The following SLC2A12 variants were observed in gnomAD, a reference collection of about 807,000 sequenced individuals.
SLC2A12 encodes the protein solute carrier family 2 member 12.
In SLC2A12, 23 loss-of-function variants were observed where a neutral mutation model predicts 41.8. That is an observed-to-expected ratio of 0.55 (90% CI 0.40 to 0.78). SLC2A12 has a LOEUF of 0.78. Ranked by LOEUF, SLC2A12 falls within the 30% of genes least tolerant of loss-of-function variation. The pLI, the probability that SLC2A12 is intolerant of heterozygous loss-of-function variation, is 0.00. For missense variants in SLC2A12, 654 were observed against 745.6 expected (o/e 0.88, Z 1.43); for synonymous variants, 295 against 285.9 (o/e 1.03, Z -0.32).
chr6:134,049,303 T>C (rs1257279097), intron 1 of SLC2A12, among the ~76,000 whole-genome samples: 6 of 152,146 alleles, frequency 3.9e-5, no homozygotes, highest in African/African-American at 1.2e-4. Flanking sequence ...ATACAGTAAA[T>C]ATTGTTCTTG....
chr6:134,000,809 A>G (rs192974192), intron 4 of SLC2A12, among the ~76,000 whole-genome samples: 4 of 152,362 alleles, frequency 2.6e-5, no homozygotes, highest in Admixed American at 6.5e-5. Context: ...TTTTTAAACC[A>G]GTTTTCTAAA....
At position 133,990,749 on chromosome 6, in the gene SLC2A12, T is replaced by C; in HGVS notation, c.*406A>G. 1 of 154,924 alleles carries C rather than the reference T, an allele frequency of 6.5e-6. No homozygotes were observed. Among genetic ancestry groups the C allele is most frequent in the East Asian group, 1.9e-4 (1 of 5,248 alleles). The allele number at this position is 154,924 out of a possible 1,614,324, so 9.6% of individuals were successfully genotyped here. A position where few individuals can be genotyped will look rare whatever the true frequency, so the allele number is the denominator to read the frequency against. ...GTAGTGTCTTGGTAGGCAGAAACTG[T>C]ACCCTCATGTCCAGACCACTTGTGT... On this transcript the variant is annotated 3_prime_UTR_variant, in exon 5 of 5. Transcript: ENST00000275230.
At chr6:134,018,383 T>C (rs1196793295) in intron 2 of SLC2A12, among the ~76,000 whole-genome samples, 2 of 152,168 alleles carry the variant, frequency 1.3e-5, no homozygotes, top group African/African-American at 4.8e-5. Context: ...TCAATGGACT[T>C]GCCCTAAGTC....
chr6:133,993,701 G>A (rs1776651058), intron 4 of SLC2A12, among the ~76,000 whole-genome samples: 1 of 152,168 alleles, frequency 6.6e-6, no homozygotes, highest in Non-Finnish European at 1.5e-5. Context: ...CTACACAATT[G>A]GGATTTGAAA....
In SLC2A12 at chr6:133,990,219, G is replaced by A. The variant is rs1187641842; in HGVS notation, c.*936C>T. 1 of 152,600 alleles carries A rather than the reference G, an allele frequency of 6.6e-6. No homozygotes were observed. The highest frequency in any genetic ancestry group is 1.5e-5 in the Non-Finnish European group (1 of 68,040). The allele number at this position is 152,600 out of a possible 1,614,324, so 9.5% of individuals were successfully genotyped here. ...TATAGCCTGTGTACCGTAACCTGAG[G>A]TAGTGATATTCCTGAGGAGTGTGAA... is the stretch of plus-strand genomic sequence containing the variant. On this transcript the variant is annotated 3_prime_UTR_variant, in exon 5 of 5. Transcript: ENST00000275230.
chr6:134,003,925 C>T lies in SLC2A12; in HGVS notation c.1568-1796G>A, dbSNP rs935652045. Among the ~76,000 whole-genome samples, 9 of 152,300 alleles carry T rather than the reference C, an allele frequency of 5.9e-5. No homozygotes were observed. The East Asian group carries it at 1.3e-3, about 23-fold the overall frequency. ...CTTACTGCCAAGTAGAACCTCACGT[C>T]TTTTAGATCCCTGTGTCCTACACTT... On this transcript the variant is annotated intron_variant, in intron 3 of 4. Coordinates refer to ENST00000275230, the MANE Select transcript of SLC2A12 (RefSeq NM_145176.3).
At chr6:134,049,155 C>T (rs967727933) in intron 1 of SLC2A12, among the ~76,000 whole-genome samples, 23 of 152,126 alleles carry the variant, frequency 1.5e-4, no homozygotes, top group Non-Finnish European at 3.4e-4. Context: ...TGAGCAGAAG[C>T]GTGTATTTCT....
chr6:134,041,948 T>C (rs1777387922), intron 1 of SLC2A12, among the ~76,000 whole-genome samples: 1 of 152,106 alleles, frequency 6.6e-6, no homozygotes, highest in Admixed American at 6.5e-5. Context: ...CCATGGACAT[T>C]TGAAAACCGA....
At position 133,989,083 on chromosome 6, in the gene SLC2A12, G is replaced by A. The variant is rs1021859127; in HGVS notation, c.*2072C>T. 18 of 152,156 alleles carry A rather than the reference G, an allele frequency of 1.2e-4. No homozygotes were observed. Among genetic ancestry groups the A allele is most frequent in the African/African-American group, 3.4e-4 (14 of 41,432 alleles). 9.4% of individuals were successfully genotyped at this position (152,156 alleles called of 1,614,324 possible). A position where few individuals can be genotyped will look rare whatever the true frequency, so the allele number is the denominator to read the frequency against. On this transcript the variant is annotated 3_prime_UTR_variant, in exon 5 of 5. Coordinates refer to ENST00000275230, the MANE Select transcript of SLC2A12 (RefSeq NM_145176.3). ...GACCAGGTTTGTTTTCAGGGCTGCCGAATGAGCCTCACCTAACAGTGTCCA... is the reference window on the plus strand; with the variant it reads ...GACCAGGTTTGTTTTCAGGGCTGCCAAATGAGCCTCACCTAACAGTGTCCA...
chr6:133,996,412 A>T (rs552055671), intron 4 of SLC2A12, among the ~76,000 whole-genome samples: 226 of 152,350 alleles, frequency 1.5e-3, no homozygotes, highest in African/African-American at 5.1e-3. Context: ...TTCAAATTAC[A>T]TTATTGCAGA....
At chr6:134,011,991 G>A (rs1411967693) in intron 2 of SLC2A12, among the ~76,000 whole-genome samples, 4 of 151,820 alleles carry the variant, frequency 2.6e-5, no homozygotes, top group East Asian at 1.9e-4. Flanking sequence ...GCAGTGAGCC[G>A]AGATCACACC....
chr6:134,017,098 T>G (rs1291421072), intron 2 of SLC2A12, among the ~76,000 whole-genome samples: 1 of 152,184 alleles, frequency 6.6e-6, no homozygotes, highest in Non-Finnish European at 1.5e-5. Context: ...GGGTCTCATA[T>G]TTGGAGAAAA....
rs60814233 is a variant in SLC2A12, at chr6:133,998,355, A to G, written c.1700+3642T>C. Among the ~76,000 whole-genome samples, 1,512 of 152,344 alleles carry G rather than the reference A, an allele frequency of 9.9e-3. 48 individuals carry two copies. The East Asian group carries it at 0.12, about 12-fold the overall frequency. On this transcript the variant is annotated intron_variant, in intron 4 of 4. Coordinates refer to ENST00000275230, the MANE Select transcript of SLC2A12 (RefSeq NM_145176.3). ...AATCTGGCAACCCTATATGAAAAAA[A>G]GGATTTGAAAGTTCTTAATCTTATA...
intron 2 of SLC2A12, among the ~76,000 whole-genome samples, chr6:134,017,989 C>T (rs1228729398): frequency 6.6e-6 from 1 of 152,050 alleles, no homozygotes; most frequent in Non-Finnish European, 1.5e-5. Flanking sequence ...CTCTGGACTG[C>T]AGGTGACCTA....
chr6:134,011,657 A>G (rs1230473406), intron 2 of SLC2A12, among the ~76,000 whole-genome samples: 5 of 152,154 alleles, frequency 3.3e-5, no homozygotes, highest in African/African-American at 7.2e-5. Flanking sequence ...AGTTATTAAC[A>G]GGAGATCGAG....
intron 4 of SLC2A12, 39 bp from the exon 5 acceptor site, chr6:133,991,347 A>G: frequency 6.3e-7 from 1 of 1,595,654 alleles, no homozygotes; most frequent in Non-Finnish European, 8.5e-7. Context: ...TGTCATTCTT[A>G]GTTTACATGA....
Position 134,028,942 on chromosome 6 carries a change from G to C in SLC2A12, c.883C>G (p.Pro295Ala). The change falls in exon 2 of 5, where the codon CCA becomes GCA. Residue 295 changes from proline to alanine, a missense_variant. Pro to Ala is a conservative substitution (Grantham distance 27). Around this residue, in one of 3 missense-constraint regions of SLC2A12, gnomAD observed 411 missense variants for 412.1 expected, o/e 1.00. Coordinates refer to ENST00000275230, the MANE Select transcript of SLC2A12 (RefSeq NM_145176.3). Reference protein sequence around the residue: ...LVFFVQITGQPNILFYASTVL... With the variant: ...LVFFVQITGQANILFYASTVL... Reference sequence around the variant, plus strand: ...GTTGATGCATAGAACAATATGTTTGGTTGGCCAGTGATTTGTACAAAAAAT... The same window carrying C: ...GTTGATGCATAGAACAATATGTTTGCTTGGCCAGTGATTTGTACAAAAAAT... The C allele has an allele frequency of 6.2e-7, 1 of 1,614,220 alleles. No homozygotes were observed. The highest frequency in any genetic ancestry group is 1.1e-5 in the South Asian group (1 of 91,086).
intron 2 of SLC2A12, among the ~76,000 whole-genome samples, chr6:134,018,278 A>C (rs1388846740): frequency 2.0e-5 from 3 of 152,210 alleles, no homozygotes; most frequent in African/African-American, 7.2e-5. Context: ...GCACTGAACT[A>C]GGGGCACTTT....
intron 1 of SLC2A12, among the ~76,000 whole-genome samples, chr6:134,052,099 T>C (rs1211430709): frequency 1.3e-5 from 2 of 152,180 alleles, no homozygotes; most frequent in South Asian, 2.1e-4. Context: ...ATCATACCAG[T>C]GGTGGATGTG....
Sources: gnomAD v4.1 joint callset for allele counts (sites outside exome capture counted in the v4.1 genomes callset) on GRCh38, gnomAD v4.1.1 for gene constraint, gnomAD v4.1.1 regional missense constraint, MANE v1.5 for transcripts, NCBI Gene and HGNC (gene_info 2026-07-23, HGNC 2026-07-21) for gene names.